Variants in CLPB observed in about 807,000 individuals in gnomAD.
CLPB encodes the protein ClpB family mitochondrial disaggregase, also known as mitochondrial disaggregase.
CLPB carries 40 observed loss-of-function variants against 78.4 expected under a neutral mutation model. The observed-to-expected ratio is 0.51, with a 90% CI of 0.40 to 0.66. CLPB has a LOEUF of 0.66. Among genes scored for constraint, CLPB ranks in the 30% least tolerant of loss-of-function variants. CLPB has a pLI of 0.00. For synonymous variants in CLPB, 333 were observed against 348.0 expected (o/e 0.96, Z 0.48); for missense variants, 780 against 886.9 (o/e 0.88, Z 1.53).
intron 3 of CLPB, among the ~76,000 whole-genome samples, chr11:72,392,590 G>A (rs996461655): frequency 1.3e-5 from 2 of 152,108 alleles, no homozygotes; most frequent in Non-Finnish European, 2.9e-5. Context: ...CTCAAATGAG[G>A]ATAATGTTTA....
chr11:72,344,160 A>C, intron 5 of CLPB, among the ~76,000 whole-genome samples: 1 of 152,188 alleles, frequency 6.6e-6, no homozygotes, highest in Middle Eastern at 3.2e-3. Context: ...TGGGTGCAGT[A>C]ATCTATACTG....
intron 2 of CLPB, among the ~76,000 whole-genome samples, chr11:72,404,888 T>A (rs1855661909): frequency 6.6e-6 from 1 of 152,186 alleles, no homozygotes; most frequent in Non-Finnish European, 1.5e-5. Flanking sequence ...TACATAATGT[T>A]ACACTTCTTT....
At chr11:72,300,901 A>G (rs1254899497) in intron 11 of CLPB, among the ~76,000 whole-genome samples, 2 of 152,136 alleles carry the variant, frequency 1.3e-5, no homozygotes, top group Non-Finnish European at 2.9e-5. Context: ...TTCTTCCGTG[A>G]TCGTAAGCAA....
At chr11:72,294,530 A>G in intron 13 of CLPB, 86 bp from the exon 14 acceptor site, 1 of 1,609,778 alleles carries the variant, frequency 6.2e-7, no homozygotes, top group Middle Eastern at 1.7e-4. Flanking sequence ...AGACTGGGGA[A>G]ATTATGGGGC....
At chr11:72,402,639 T>C (rs1039603843) in intron 3 of CLPB, among the ~76,000 whole-genome samples, 4 of 152,196 alleles carry the variant, frequency 2.6e-5, no homozygotes, top group African/African-American at 9.7e-5. Flanking sequence ...CAACAGATGG[T>C]AGGTAACAGA....
intron 5 of CLPB, among the ~76,000 whole-genome samples, chr11:72,335,317 T>C (rs1371090469): frequency 6.6e-6 from 1 of 152,212 alleles, no homozygotes; most frequent in Non-Finnish European, 1.5e-5. Flanking sequence ...ACGCAATTAT[T>C]GACTCTCCAA....
intron 4 of CLPB, among the ~76,000 whole-genome samples, chr11:72,360,533 G>A (rs1348129278): frequency 6.6e-6 from 1 of 151,996 alleles, no homozygotes; most frequent in African/African-American, 2.4e-5. Context: ...CTCTACCTCG[G>A]TTCAAGCGTT....
chr11:72,305,746 A>G (rs1176721782), intron 9 of CLPB, among the ~76,000 whole-genome samples: 1 of 152,218 alleles, frequency 6.6e-6, no homozygotes, highest in Non-Finnish European at 1.5e-5. Flanking sequence ...CAGTTGTGCC[A>G]ACTAAAAAAT....
chr11:72,345,779 G>A (rs921697762), intron 5 of CLPB, among the ~76,000 whole-genome samples: 1 of 152,200 alleles, frequency 6.6e-6, no homozygotes, highest in Non-Finnish European at 1.5e-5. Flanking sequence ...ACACACTGAA[G>A]GGGGAGAAAA....
chr11:72,326,330 T>C (rs1243625525), intron 6 of CLPB, among the ~76,000 whole-genome samples: 1 of 152,162 alleles, frequency 6.6e-6, no homozygotes, highest in African/African-American at 2.4e-5. Context: ...AGTGGTGTCA[T>C]GGTTTACTTG....
intron 3 of CLPB, among the ~76,000 whole-genome samples, chr11:72,389,619 A>C (rs544098816): frequency 1.3e-5 from 2 of 152,326 alleles, no homozygotes; most frequent in South Asian, 4.1e-4. Context: ...CACTGGGCAA[A>C]GGCTTAAGAA....
intron 6 of CLPB, among the ~76,000 whole-genome samples, chr11:72,322,128 TC>T (rs1950054985): frequency 6.6e-6 from 1 of 151,976 alleles, no homozygotes; most frequent in African/African-American, 2.4e-5. Flanking sequence ...CTTAAACTAG[TC>T]CACAAAGGAC....
intron 4 of CLPB, among the ~76,000 whole-genome samples, chr11:72,372,585 C>T (rs547584301): frequency 3.9e-5 from 6 of 152,286 alleles, no homozygotes; most frequent in South Asian, 2.1e-4. Flanking sequence ...TACCTGTAGT[C>T]CAAATCATGC....
At chr11:72,342,752 C>G (rs1950443494) in intron 5 of CLPB, among the ~76,000 whole-genome samples, 1 of 152,200 alleles carries the variant, frequency 6.6e-6, no homozygotes. Context: ...GGGGTCTGGG[C>G]TGAATTTAGC....
At chr11:72,328,494 C>T (rs1352597504) in intron 6 of CLPB, among the ~76,000 whole-genome samples, 2 of 152,120 alleles carry the variant, frequency 1.3e-5, no homozygotes, top group African/African-American at 4.8e-5. Flanking sequence ...ATGTGGTAGC[C>T]CAAGGTCACA....
At chr11:72,354,538 T>C (rs1950671762) in intron 5 of CLPB, 3 of 381,082 alleles carry the variant, frequency 7.9e-6, no homozygotes, top group Non-Finnish European at 1.4e-5. Context: ...ACTTGAAGTA[T>C]GAGGCTCCAG....
At chr11:72,379,573 C>A (rs1854836985) in intron 4 of CLPB, among the ~76,000 whole-genome samples, 1 of 152,178 alleles carries the variant, frequency 6.6e-6, no homozygotes, top group Non-Finnish European at 1.5e-5. Context: ...CTTGGACATT[C>A]AATCCCCAAG....
intron 11 of CLPB, among the ~76,000 whole-genome samples, chr11:72,301,490 T>G (rs1418496775): frequency 6.6e-6 from 1 of 152,120 alleles, no homozygotes; most frequent in African/African-American, 2.4e-5. Flanking sequence ...ACAAAGCCAG[T>G]CAGGAGCAGA....
intron 2 of CLPB, among the ~76,000 whole-genome samples, chr11:72,407,916 G>A (rs1855756156): frequency 6.6e-6 from 1 of 151,758 alleles, no homozygotes. Context: ...CAAAGTGCTG[G>A]GATTACAGGC....
Sources: allele counts gnomAD v4.1 joint callset (sites outside exome capture counted in the v4.1 genomes callset), GRCh38; gene constraint gnomAD v4.1.1; transcripts MANE v1.5; gene names NCBI Gene and HGNC (gene_info 2026-07-23, HGNC 2026-07-21).